The following CTNNA2 variants were observed in gnomAD, a reference collection of about 807,000 sequenced individuals.
CTNNA2 encodes catenin alpha-2.
In CTNNA2, 42 loss-of-function variants were observed where a neutral mutation model predicts 101.0. The ratio of observed to expected loss-of-function variants is 0.42; its 90% CI spans 0.32 to 0.54. The LOEUF (loss-of-function observed/expected upper bound fraction) is 0.54, where lower values mean the gene tolerates loss of function less well. Ranked by LOEUF, CTNNA2 falls within the 20% of genes least tolerant of loss-of-function variation. The pLI is 0.14. For synonymous variants in CTNNA2, 450 were observed against 456.4 expected (o/e 0.99, Z 0.18); for missense variants, 871 against 1,223.1 (o/e 0.71, Z 4.29).
intron 2 of CTNNA2, among the ~76,000 whole-genome samples, chr2:79,717,525 A>G (rs774541746): frequency 5.3e-5 from 8 of 152,156 alleles, no homozygotes; most frequent in Non-Finnish European, 1.2e-4. Flanking sequence ...AAGAGAAGCC[A>G]CTGGAGGGAT....
At chr2:80,523,563 T>C (rs1313609071) in intron 9 of CTNNA2, among the ~76,000 whole-genome samples, 1 of 152,164 alleles carries the variant, frequency 6.6e-6, no homozygotes, top group Admixed American at 6.5e-5. Flanking sequence ...TATGCCACCA[T>C]GGGGTCTTTT....
At chr2:80,272,716 AT>A (rs1395401882) in intron 7 of CTNNA2, among the ~76,000 whole-genome samples, 82 of 152,182 alleles carry the variant, frequency 5.4e-4, no homozygotes, top group African/African-American at 2.0e-3. Context: ...TGTTTATTAT[AT>A]TTTAGTATAA....
intron 7 of CTNNA2, among the ~76,000 whole-genome samples, chr2:80,058,562 A>G (rs534519544): frequency 6.6e-6 from 1 of 152,332 alleles, no homozygotes; most frequent in East Asian, 1.9e-4. Flanking sequence ...ACCCAGCAAA[A>G]TGTGTTACTT....
At chr2:80,227,947 AG>A (rs1708983234) in intron 7 of CTNNA2, among the ~76,000 whole-genome samples, 1 of 151,742 alleles carries the variant, frequency 6.6e-6, no homozygotes, top group Non-Finnish European at 1.5e-5. Context: ...AATTTGAGAA[AG>A]GGAAGTTGCC....
chr2:80,419,472 C>T lies in CTNNA2; in HGVS notation c.1161C>T (p.His387=), dbSNP rs1476945846. The T allele has an allele frequency of 6.2e-7, 1 of 1,612,170 alleles. No homozygotes were observed. The highest frequency in any genetic ancestry group is 1.7e-5 in the Admixed American group (1 of 59,932). The change falls in exon 9 of 19, where the codon CAC becomes CAT. Residue 387 remains histidine, a synonymous_variant. Transcript: ENST00000402739. The stretch of plus-strand genomic sequence containing the variant: ...AGCTTCGGAAAGCAGTGATGGATCA[C>T]ATATCTGACTCTTTCCTGGAAACCA... ...RRQLRKAVMD[H]ISDSFLETNV...
chr2:80,468,857 A>G (rs896220247), intron 9 of CTNNA2, among the ~76,000 whole-genome samples: 4 of 152,214 alleles, frequency 2.6e-5, no homozygotes, highest in African/African-American at 9.6e-5. Context: ...TTTAATCATG[A>G]TGGAGGAGGA....
intron 9 of CTNNA2, among the ~76,000 whole-genome samples, chr2:80,468,466 T>C (rs148312607): frequency 0.031 from 4,648 of 152,246 alleles, 215 homozygotes; most frequent in African/African-American, 0.099. Flanking sequence ...TCACCCAGGC[T>C]AGAGAGCAGT....
intron 3 of CTNNA2, among the ~76,000 whole-genome samples, chr2:79,831,795 TAAAAA>T (rs35304325): frequency 1.3e-5 from 2 of 148,258 alleles, no homozygotes; most frequent in Admixed American, 1.3e-4. Flanking sequence ...ACCCTTCAAT[TAAAAA>T]AAAAAGTTTG....
rs1468994157 is a variant in CTNNA2 at position 80,302,735 on chromosome 2, A to T, written c.1057-90476A>T. The stretch of plus-strand genomic sequence containing the variant: ...GGTGGGCTCGGCCCCATCCTCGCAC[A>T]GGTGGAAGGCGTACACGGCGTCCAG... On this transcript the variant is annotated intron_variant, in intron 7 of 18. Transcript: ENST00000402739. The surrounding 1 kb of genome is among the most constrained non-coding windows in gnomAD (Gnocchi z 6.4). 6.2e-7 allele frequency: 1 copy of T among 1,612,990 alleles called. No homozygotes were observed. The highest frequency in any genetic ancestry group is 8.5e-7 in the Non-Finnish European group (1 of 1,179,904).
chr2:79,946,249 CTAT>C (rs1688485386), intron 7 of CTNNA2, among the ~76,000 whole-genome samples: 1 of 152,078 alleles, frequency 6.6e-6, no homozygotes, highest in African/African-American at 2.4e-5. Context: ...TGACTCTATC[CTAT>C]CAGACTGGGA....
intron 7 of CTNNA2, among the ~76,000 whole-genome samples, chr2:80,128,316 G>A (rs917879690): frequency 6.6e-6 from 1 of 152,146 alleles, no homozygotes; most frequent in Non-Finnish European, 1.5e-5. Flanking sequence ...ATCAGTGTTA[G>A]AGAATCCTCA....
chr2:79,658,805 A>G (rs1186529904), intron 2 of CTNNA2, among the ~76,000 whole-genome samples: 2 of 152,046 alleles, frequency 1.3e-5, no homozygotes, highest in African/African-American at 4.8e-5. Context: ...CCTCCTAAGA[A>G]GAGGAGCTCT....
chr2:79,999,852 A>G (rs1692814989), intron 7 of CTNNA2, among the ~76,000 whole-genome samples: 1 of 152,198 alleles, frequency 6.6e-6, no homozygotes, highest in African/African-American at 2.4e-5. Context: ...CTATAAGCAG[A>G]GAAGAGCCAC....
At chr2:79,540,611 C>G (rs1673348532) in intron 1 of CTNNA2, among the ~76,000 whole-genome samples, 1 of 152,152 alleles carries the variant, frequency 6.6e-6, no homozygotes. Context: ...TGTAGGATGA[C>G]TCAATTGTTT....
At chr2:79,213,406 A>C (rs1291409201) in intron 2 of CTNNA2, among the ~76,000 whole-genome samples, 3 of 152,226 alleles carry the variant, frequency 2.0e-5, no homozygotes, top group African/African-American at 7.2e-5. Flanking sequence ...GCATATTTAG[A>C]GTCAGTATAA....
At chr2:80,405,667 T>C (rs1352836047) in intron 8 of CTNNA2, among the ~76,000 whole-genome samples, 1 of 152,172 alleles carries the variant, frequency 6.6e-6, no homozygotes, top group Non-Finnish European at 1.5e-5. Flanking sequence ...TTAAGGACTT[T>C]CATTTTAGCT....
At chr2:80,646,249 T>C (rs1674076594) in intron 18 of CTNNA2, among the ~76,000 whole-genome samples, 1 of 152,144 alleles carries the variant, frequency 6.6e-6, no homozygotes, top group African/African-American at 2.4e-5. Flanking sequence ...ATGAAGTTCA[T>C]GAATTACAGG....
chr2:80,077,952 A>G (rs1244214251), intron 7 of CTNNA2, among the ~76,000 whole-genome samples: 1 of 152,202 alleles, frequency 6.6e-6, no homozygotes, highest in Non-Finnish European at 1.5e-5. Flanking sequence ...CTTGCTAAAC[A>G]TAGTAAATTT....
At chr2:79,486,083 TA>T (rs1176410707) in intron 4 of CTNNA2, among the ~76,000 whole-genome samples, 4 of 151,798 alleles carry the variant, frequency 2.6e-5, no homozygotes, top group African/African-American at 7.3e-5. Context: ...TTTATTTTAT[TA>T]TTATTATACT....
Sources: gnomAD v4.1 joint callset for allele counts (sites outside exome capture counted in the v4.1 genomes callset) on GRCh38, gnomAD v4.1.1 for gene constraint, Gnocchi (gnomAD v3.1) non-coding constraint, MANE v1.5 for transcripts, NCBI Gene and HGNC (gene_info 2026-07-23, HGNC 2026-07-21) for gene names.